Variants in RALGAPA2 observed in about 807,000 individuals in gnomAD.
RALGAPA2 encodes ral GTPase-activating protein subunit alpha-2.
Under a neutral mutation model 230.4 loss-of-function variants are expected in RALGAPA2, and 139 were observed. The observed-to-expected ratio is 0.60, with a 90% confidence interval of 0.53 to 0.69. RALGAPA2 has a LOEUF of 0.69. Ranked by LOEUF, RALGAPA2 falls within the 30% of genes least tolerant of loss-of-function variation. The pLI, the probability that RALGAPA2 is intolerant of heterozygous loss-of-function variation, is 0.00. For synonymous variants in RALGAPA2, 847 were observed against 837.8 expected (o/e 1.01, Z -0.19); for missense variants, 2,163 against 2,276.0 (o/e 0.95, Z 1.01).
At chr20:20,413,570 C>T (rs1410724960) in intron 37 of RALGAPA2, among the ~76,000 whole-genome samples, 1 of 152,156 alleles carries the variant, frequency 6.6e-6, no homozygotes, top group Non-Finnish European at 1.5e-5. Flanking sequence ...CCCCTCCCCC[C>T]ACCTTGCTAT....
rs754843286 is a variant in RALGAPA2, at chr20:20,680,705, C to G, written c.203G>C (p.Ser68Thr). 6.4e-7 allele frequency: 1 copy of G among 1,554,466 alleles called. No homozygotes were observed. The change falls in exon 2 of 40, where the codon AGT becomes ACT. Residue 68 changes from serine to threonine, a missense_variant. Physicochemically the swap from Ser to Thr is moderately conservative, Grantham distance 58. Transcript: ENST00000202677. ...GAAATGCTTACCTTTTAATTTCAAA[C>G]TATTTTCCAGTGCTATAAAATTTTC... is the stretch of plus-strand genomic sequence containing the variant. ...FYENFIALENSLKLKGNNKSQ... is the reference protein window; with the variant it reads ...FYENFIALENTLKLKGNNKSQ...
intron 9 of RALGAPA2, among the ~76,000 whole-genome samples, chr20:20,631,203 A>G (rs1461535249): frequency 6.6e-6 from 1 of 152,234 alleles, no homozygotes; most frequent in East Asian, 1.9e-4. Flanking sequence ...AAACAGAACA[A>G]GAAGTCCCAT....
rs149689077 is a variant in RALGAPA2, at chr20:20,458,453, C to T, written c.5495+14376G>A. On this transcript the variant is annotated intron_variant, in intron 37 of 39. Transcript: ENST00000202677. ...TGTATTTTTTATATTACATATAATA[C>T]ATATGTATTTTATATAATATATAAT... 7.9e-4 allele frequency among the ~76,000 whole-genome samples: 93 copies of T among 117,888 alleles called. 3 individuals are homozygous for T. The highest frequency in any genetic ancestry group is 2.9e-3 in the African/African-American group (75 of 25,754). The allele number at this position is 117,888 out of a possible 152,430, so 77.3% of individuals were successfully genotyped here. A position where few individuals can be genotyped will look rare whatever the true frequency, so the allele number is the denominator to read the frequency against.
intron 1 of RALGAPA2, among the ~76,000 whole-genome samples, chr20:20,701,906 G>A (rs552958791): frequency 5.9e-5 from 9 of 151,670 alleles, no homozygotes; most frequent in Non-Finnish European, 1.3e-4. Context: ...CAGGCGCGGC[G>A]GCAGGTGTTT....
At chr20:20,617,084 A>G (rs984722217) in intron 12 of RALGAPA2, among the ~76,000 whole-genome samples, 5 of 152,212 alleles carry the variant, frequency 3.3e-5, no homozygotes, top group African/African-American at 7.2e-5. Context: ...TGAGTTGTCA[A>G]TTTGGTACGA....
chr20:20,578,280 G>A (rs1157579974), intron 20 of RALGAPA2, among the ~76,000 whole-genome samples: 1 of 152,250 alleles, frequency 6.6e-6, no homozygotes, highest in Non-Finnish European at 1.5e-5. Context: ...GTTCCTCAGT[G>A]AAGGAGCACT....
At chr20:20,708,568 T>C (rs1359263432) in intron 1 of RALGAPA2, among the ~76,000 whole-genome samples, 1 of 152,214 alleles carries the variant, frequency 6.6e-6, no homozygotes, top group Non-Finnish European at 1.5e-5. Flanking sequence ...CCTTCTGCCA[T>C]GATTGTGAGG....
chr20:20,465,117 C>T (rs76103408), intron 37 of RALGAPA2, among the ~76,000 whole-genome samples: 4,158 of 149,604 alleles, frequency 0.028, 141 homozygotes, highest in East Asian at 0.15. Context: ...TACCAAATTA[C>T]TCTCCAGCTT....
chr20:20,677,067 T>C (rs143748140), intron 2 of RALGAPA2, among the ~76,000 whole-genome samples: 94 of 151,692 alleles, frequency 6.2e-4, no homozygotes, highest in Non-Finnish European at 9.7e-4. Flanking sequence ...CATTCATTCA[T>C]TGAATAAATA....
At chr20:20,624,050 G>A (rs761642742) in intron 10 of RALGAPA2, among the ~76,000 whole-genome samples, 1 of 152,140 alleles carries the variant, frequency 6.6e-6, no homozygotes, top group Admixed American at 6.5e-5. Flanking sequence ...AAAGACGCTG[G>A]ACGCGGTAGC....
chr20:20,446,919 A>G (rs965273695), intron 37 of RALGAPA2, among the ~76,000 whole-genome samples: 1 of 152,218 alleles, frequency 6.6e-6, no homozygotes, highest in African/African-American at 2.4e-5. Context: ...TCAGGCTGCC[A>G]TAGTTCTGCT....
Position 20,433,769 on chromosome 20 carries a change from C to T in RALGAPA2, c.5496-21621G>A, listed in dbSNP as rs541948584. On this transcript the variant is annotated intron_variant, in intron 37 of 39. Transcript: ENST00000202677. Reference sequence around the variant, plus strand: ...TCTGGATGTTTTTGTGAGATGAAGACGATGCTCACGAAGGACCAGGATTAG... The same window carrying T: ...TCTGGATGTTTTTGTGAGATGAAGATGATGCTCACGAAGGACCAGGATTAG... Among the ~76,000 whole-genome samples the T allele has an allele frequency of 2.6e-5, 4 of 152,102 alleles. 1 individual carries two copies. The highest frequency in any genetic ancestry group is 9.6e-5 in the African/African-American group (4 of 41,462).
chr20:20,576,476 A>G (rs2064822525), intron 20 of RALGAPA2, among the ~76,000 whole-genome samples: 1 of 152,060 alleles, frequency 6.6e-6, no homozygotes, highest in South Asian at 2.1e-4. Context: ...TATCTTTCTC[A>G]TAGGCTTTTC....
intron 2 of RALGAPA2, among the ~76,000 whole-genome samples, chr20:20,677,203 T>A (rs1336926770): frequency 6.6e-6 from 1 of 151,446 alleles, no homozygotes; most frequent in Non-Finnish European, 1.5e-5. Flanking sequence ...TATAAATGAG[T>A]GAGAAAAACA....
intron 37 of RALGAPA2, among the ~76,000 whole-genome samples, chr20:20,441,537 G>A (rs890108438): frequency 1.3e-5 from 2 of 152,184 alleles, no homozygotes; most frequent in South Asian, 2.1e-4. Flanking sequence ...CCCTTCAGTC[G>A]TCAGTCATCC....
At chr20:20,524,032 C>T (rs1384590726) in intron 30 of RALGAPA2, among the ~76,000 whole-genome samples, 1 of 152,128 alleles carries the variant, frequency 6.6e-6, no homozygotes, top group African/African-American at 2.4e-5. Context: ...TCTCGGCTCA[C>T]TGCAAACTCT....
chr20:20,587,315 G>A (rs917878567), intron 18 of RALGAPA2, among the ~76,000 whole-genome samples: 10 of 152,098 alleles, frequency 6.6e-5, no homozygotes, highest in Non-Finnish European at 1.2e-4. Context: ...TGTACTGTCC[G>A]AAAGATAAAG....
intron 1 of RALGAPA2, among the ~76,000 whole-genome samples, chr20:20,709,728 G>T (rs2069771419): frequency 6.6e-6 from 1 of 152,154 alleles, no homozygotes; most frequent in African/African-American, 2.4e-5. Context: ...ATAGCCAGGT[G>T]AAAGTATCTA....
In RALGAPA2 at chr20:20,437,221, C is replaced by A. The variant is rs961386041; in HGVS notation, c.5496-25073G>T. ...AGGAGACTGGCAACCACAAACCACTCTGAACGTCCTGAAGACCGCCTGGTC... is the reference window on the plus strand; with the variant it reads ...AGGAGACTGGCAACCACAAACCACTATGAACGTCCTGAAGACCGCCTGGTC... On this transcript the variant is annotated intron_variant, in intron 37 of 39. Coordinates refer to ENST00000202677, the MANE Select transcript of RALGAPA2 (RefSeq NM_020343.4). This position sits in a 1 kb window ranked among gnomAD's most constrained non-coding sequence, Gnocchi z 4.1. Among the ~76,000 whole-genome samples the A allele has an allele frequency of 1.3e-5, 2 of 152,240 alleles. No homozygotes were observed. Among genetic ancestry groups the A allele is most frequent in the African/African-American group, 4.8e-5 (2 of 41,460 alleles).
Sources: allele counts gnomAD v4.1 joint callset (sites outside exome capture counted in the v4.1 genomes callset), GRCh38; gene constraint gnomAD v4.1.1; non-coding constraint Gnocchi (gnomAD v3.1); transcripts MANE v1.5; gene names NCBI Gene and HGNC (gene_info 2026-07-23, HGNC 2026-07-21).